The following SPIN1 variants were observed in gnomAD, a reference collection of about 807,000 sequenced individuals.
SPIN1 encodes the protein spindlin 1.
In SPIN1, 3 loss-of-function variants were observed where a neutral mutation model predicts 26.0. The ratio of observed to expected loss-of-function variants is 0.12; its 90% CI spans 0.05 to 0.30. SPIN1 has a LOEUF of 0.30. Among genes scored for constraint, SPIN1 ranks in the 10% least tolerant of loss-of-function variants. The probability of loss-of-function intolerance (pLI) is 1.00; values close to 1 mark genes in which losing one functional copy is unlikely to be tolerated. For synonymous variants in SPIN1, 101 were observed against 116.5 expected (o/e 0.87, Z 0.86); for missense variants, 126 against 333.4 (o/e 0.38, Z 4.84).
intron 1 of SPIN1, chr9:88,416,670 C>G (rs1292941592): frequency 6.6e-6 from 1 of 152,222 alleles, no homozygotes; most frequent in Non-Finnish European, 1.5e-5. Flanking sequence ...GTTGCCCAGG[C>G]TGGAGTGTAG....
chr9:88,473,641 A>AC (rs1468352554), intron 5 of SPIN1, among the ~76,000 whole-genome samples: 3 of 125,224 alleles, frequency 2.4e-5, no homozygotes, highest in African/African-American at 1.4e-4. Flanking sequence ...AATTCTCCAA[A>AC]CTTGTGTGTG....
At chr9:88,425,597 C>G (rs1827748560) in intron 1 of SPIN1, among the ~76,000 whole-genome samples, 1 of 151,762 alleles carries the variant, frequency 6.6e-6, no homozygotes, top group South Asian at 2.1e-4. Flanking sequence ...ATTGCTTGAA[C>G]CCGGGAGGCA....
intron 1 of SPIN1, among the ~76,000 whole-genome samples, chr9:88,413,116 G>C (rs1827487748): frequency 7.0e-6 from 1 of 142,074 alleles, no homozygotes; most frequent in African/African-American, 2.7e-5. Context: ...GCTCAGGCTA[G>C]AGTGCAGTAG....
chr9:88,438,964 T>C (rs1011484297), intron 2 of SPIN1, among the ~76,000 whole-genome samples: 7 of 152,096 alleles, frequency 4.6e-5, no homozygotes, highest in African/African-American at 1.7e-4. Flanking sequence ...CATGAGGCGG[T>C]TGACTAGAGG....
chr9:88,450,911 G>C (rs1828340854), intron 3 of SPIN1, among the ~76,000 whole-genome samples: 1 of 152,114 alleles, frequency 6.6e-6, no homozygotes, highest in South Asian at 2.1e-4. Flanking sequence ...GCTGCCTGGT[G>C]GGGACGCAGG....
chr9:88,406,184 A>G (rs1201475347), intron 1 of SPIN1, among the ~76,000 whole-genome samples: 3 of 151,690 alleles, frequency 2.0e-5, no homozygotes, highest in African/African-American at 7.3e-5. Context: ...TTATAATATT[A>G]TGGGACTACC....
At chr9:88,412,630 A>G (rs1827473596) in intron 1 of SPIN1, among the ~76,000 whole-genome samples, 1 of 152,164 alleles carries the variant, frequency 6.6e-6, no homozygotes, top group Non-Finnish European at 1.5e-5. Flanking sequence ...ATTATATTTA[A>G]GTTATACAAA....
chr9:88,389,208 C>T (rs939394277), intron 1 of SPIN1, among the ~76,000 whole-genome samples: 1 of 152,184 alleles, frequency 6.6e-6, no homozygotes, highest in African/African-American at 2.4e-5. Flanking sequence ...CGTCTCTTCG[C>T]CGCCCTCCGT....
intron 1 of SPIN1, among the ~76,000 whole-genome samples, chr9:88,400,978 G>A (rs958506609): frequency 1.3e-4 from 20 of 152,068 alleles, no homozygotes; most frequent in African/African-American, 2.2e-4. Flanking sequence ...GTGCAACTGC[G>A]CTCCAGCCTG....
chr9:88,390,880 G>A (rs1345976360), intron 1 of SPIN1, among the ~76,000 whole-genome samples: 1 of 151,986 alleles, frequency 6.6e-6, no homozygotes, highest in African/African-American at 2.4e-5. Context: ...ACTCAAATAT[G>A]TCAGTTTTAT....
chr9:88,426,127 T>C (rs1446091226), intron 1 of SPIN1, among the ~76,000 whole-genome samples: 1 of 152,218 alleles, frequency 6.6e-6, no homozygotes, highest in Admixed American at 6.5e-5. Flanking sequence ...TGTGTTCCAG[T>C]TGATCTTGGA....
At chr9:88,471,843 C>CT (rs1265765490) in intron 5 of SPIN1, among the ~76,000 whole-genome samples, 2 of 151,062 alleles carry the variant, frequency 1.3e-5, no homozygotes, top group African/African-American at 2.4e-5. Flanking sequence ...TTTTTTCCTC[C>CT]TTTTTTTGAG....
At chr9:88,449,892 A>C (rs1037914852) in intron 3 of SPIN1, among the ~76,000 whole-genome samples, 3 of 152,206 alleles carry the variant, frequency 2.0e-5, no homozygotes, top group African/African-American at 4.8e-5. Context: ...ACCACACTGT[A>C]ATAGCTGAAG....
At chr9:88,444,649 T>C (rs1815281934) in intron 2 of SPIN1, among the ~76,000 whole-genome samples, 1 of 152,016 alleles carries the variant, frequency 6.6e-6, no homozygotes, top group South Asian at 2.1e-4. Flanking sequence ...TCACTTTCAT[T>C]TTTCTCAATT....
intron 5 of SPIN1, among the ~76,000 whole-genome samples, chr9:88,471,676 A>AAAAG (rs1482890445): frequency 1.3e-4 from 19 of 150,800 alleles, no homozygotes; most frequent in African/African-American, 3.9e-4. Context: ...AAAAAAAAAA[A>AAAAG]AAAGAAAATC....
chr9:88,407,434 G>A (rs917554282), intron 1 of SPIN1, among the ~76,000 whole-genome samples: 9 of 151,410 alleles, frequency 5.9e-5, no homozygotes, highest in African/African-American at 1.9e-4. Flanking sequence ...GTGAGCCACC[G>A]GCCTCATCTT....
intron 1 of SPIN1, chr9:88,411,204 T>C (rs1827435928): frequency 4.8e-6 from 6 of 1,240,300 alleles, no homozygotes; most frequent in South Asian, 1.2e-5. Context: ...ACAGCTCTCT[T>C]TGGTTCCACA....
At chr9:88,412,001 C>T (rs1827458339) in intron 1 of SPIN1, among the ~76,000 whole-genome samples, 1 of 149,456 alleles carries the variant, frequency 6.7e-6, no homozygotes, top group African/African-American at 2.5e-5. Flanking sequence ...GAAACCCCGT[C>T]TCTACTAAAA....
chr9:88,460,457 G>A (rs777230761), intron 3 of SPIN1, among the ~76,000 whole-genome samples: 1 of 152,126 alleles, frequency 6.6e-6, no homozygotes, highest in Non-Finnish European at 1.5e-5. Context: ...GTTCTCCAGG[G>A]AAATAGAATC....
Sources: allele counts gnomAD v4.1 joint callset (sites outside exome capture counted in the v4.1 genomes callset), GRCh38; gene constraint gnomAD v4.1.1; transcripts MANE v1.5; gene names NCBI Gene and HGNC (gene_info 2026-07-23, HGNC 2026-07-21).